The following LHFPL3 variants were observed in gnomAD, a reference collection of about 807,000 sequenced individuals.
The protein encoded by LHFPL3 is LHFPL tetraspan subfamily member 3, also known as LHFPL tetraspan subfamily member 3 protein.
LHFPL3 carries 5 observed loss-of-function variants against 19.3 expected under a neutral mutation model. The observed-to-expected ratio is 0.26, with a 90% CI of 0.14 to 0.54. The LOEUF (loss-of-function observed/expected upper bound fraction) is 0.54. Among genes scored for constraint, LHFPL3 ranks in the 20% least tolerant of loss-of-function variants. The pLI is 0.94. For synonymous variants in LHFPL3, 133 were observed against 126.2 expected, an observed-to-expected ratio of 1.05 and a Z score of -0.36; for missense variants, 249 against 307.4, an observed-to-expected ratio of 0.81 and a Z score of 1.42.
chr7:104,534,410 C>T (rs1484569100), intron 1 of LHFPL3, among the ~76,000 whole-genome samples: 1 of 152,248 alleles, frequency 6.6e-6, no homozygotes, highest in Non-Finnish European at 1.5e-5. Flanking sequence ...CTTCTACCCA[C>T]ACTTCCATCT....
rs150789358 is a variant in LHFPL3, at chr7:104,468,635, A to T, written c.445+139411A>T. 2.0e-3 allele frequency among the ~76,000 whole-genome samples: 304 copies of T among 151,530 alleles called. 2 individuals are homozygous for T. The highest frequency in any genetic ancestry group is 2.9e-3 in the Non-Finnish European group (200 of 67,952). ...TCCATGGAGAATGACAAATTTCCCAAAGTAGAAAGGTCTTGTATAAACCTT... is the reference window on the plus strand; with the variant it reads ...TCCATGGAGAATGACAAATTTCCCATAGTAGAAAGGTCTTGTATAAACCTT... On this transcript the variant is annotated intron_variant, in intron 1 of 2. Transcript: ENST00000424859.
At chr7:104,654,966 A>T (rs1792096696) in intron 1 of LHFPL3, among the ~76,000 whole-genome samples, 1 of 152,004 alleles carries the variant, frequency 6.6e-6, no homozygotes, top group Non-Finnish European at 1.5e-5. Context: ...ACTTCTGATC[A>T]TTCACACCTG....
At chr7:104,663,874 C>G (rs1191477061) in intron 1 of LHFPL3, among the ~76,000 whole-genome samples, 3 of 152,136 alleles carry the variant, frequency 2.0e-5, no homozygotes, top group Non-Finnish European at 4.4e-5. Context: ...TCACTTACAC[C>G]ATGTTTGTTT....
At position 104,399,451 on chromosome 7, in the gene LHFPL3, G is replaced by GT. The variant is rs966127872; in HGVS notation, c.445+70235dup. Among the ~76,000 whole-genome samples, 21 of 150,956 alleles carry GT rather than the reference G, an allele frequency of 1.4e-4. No homozygotes were observed. The highest frequency in any genetic ancestry group is 3.9e-4 in the East Asian group (2 of 5,126). The stretch of plus-strand genomic sequence containing the variant: ...TCTTCTGTTTTTTTTTGTTTTTTAG[G>GT]TTTTTTTTGTTTGTTTGTTTGAGAT... On this transcript the variant is annotated intron_variant, in intron 1 of 2. Transcript: ENST00000424859. The surrounding 1 kb of genome is among the most constrained non-coding windows in gnomAD (Gnocchi z 4.4).
chr7:104,458,747 G>A (rs1253230053), intron 1 of LHFPL3, among the ~76,000 whole-genome samples: 2 of 150,632 alleles, frequency 1.3e-5, no homozygotes, highest in Non-Finnish European at 3.0e-5. Flanking sequence ...AAACCTTTAT[G>A]TGGTGTTATT....
At chr7:104,420,629 G>A (rs1329170718) in intron 1 of LHFPL3, among the ~76,000 whole-genome samples, 1 of 135,840 alleles carries the variant, frequency 7.4e-6, no homozygotes, top group Non-Finnish European at 1.5e-5. Context: ...GCGCGATCTC[G>A]GCTCACTGCA....
intron 1 of LHFPL3, among the ~76,000 whole-genome samples, chr7:104,583,599 C>G (rs1790505721): frequency 6.6e-6 from 1 of 152,042 alleles, no homozygotes; most frequent in South Asian, 2.1e-4. Context: ...ACGAAGAACC[C>G]AAACAAATTT....
At chr7:104,436,149 A>G (rs1027260920) in intron 1 of LHFPL3, among the ~76,000 whole-genome samples, 2 of 152,164 alleles carry the variant, frequency 1.3e-5, no homozygotes, top group Non-Finnish European at 2.9e-5. Context: ...TGAAAGGATA[A>G]TATTTTGGAG....
At position 104,593,777 on chromosome 7, in the gene LHFPL3, C is replaced by G. The variant is rs140762062; in HGVS notation, c.446-142898C>G. Among the ~76,000 whole-genome samples, 445 of 152,160 alleles carry G rather than the reference C, an allele frequency of 2.9e-3. 1 individual carries two copies. The highest frequency in any genetic ancestry group is 0.01 in the African/African-American group (429 of 41,514). On this transcript the variant is annotated intron_variant, in intron 1 of 2. Coordinates refer to ENST00000424859, the MANE Select transcript of LHFPL3 (RefSeq NM_199000.3). ...GTTAGCTCTTCTTGTTGAATTGATCCCTTTACTATTATGTAATGGCCTTCT... is the reference window on the plus strand; with the variant it reads ...GTTAGCTCTTCTTGTTGAATTGATCGCTTTACTATTATGTAATGGCCTTCT...
chr7:104,900,110 C>A (rs1441922912), intron 2 of LHFPL3, among the ~76,000 whole-genome samples: 1 of 152,180 alleles, frequency 6.6e-6, no homozygotes, highest in Non-Finnish European at 1.5e-5. Flanking sequence ...GACCTGTCTT[C>A]TGGGCTTCAA....
chr7:104,569,438 G>A (rs916738751), intron 1 of LHFPL3, among the ~76,000 whole-genome samples: 2 of 152,228 alleles, frequency 1.3e-5, no homozygotes, highest in Non-Finnish European at 1.5e-5. Context: ...ACTGCACACC[G>A]TTGTATACAC....
intron 1 of LHFPL3, among the ~76,000 whole-genome samples, chr7:104,449,595 A>G (rs900061879): frequency 6.6e-6 from 1 of 152,216 alleles, no homozygotes; most frequent in African/African-American, 2.4e-5. Flanking sequence ...TTATCCTTAC[A>G]TATGAATTAA....
intron 1 of LHFPL3, among the ~76,000 whole-genome samples, chr7:104,448,189 T>C (rs17137711): frequency 0.54 from 82,324 of 152,052 alleles, 23,507 homozygotes; most frequent in Non-Finnish European, 0.63. Flanking sequence ...ATTCAACTGG[T>C]AAACATTTTT....
At position 104,538,563 on chromosome 7, in the gene LHFPL3, T is replaced by C. The variant is rs577894073; in HGVS notation, c.446-198112T>C. Among the ~76,000 whole-genome samples the C allele has an allele frequency of 6.3e-4, 96 of 152,330 alleles. 1 individual carries two copies. The South Asian group carries it at 6.6e-3, about 11-fold the overall frequency. The stretch of plus-strand genomic sequence containing the variant: ...GCCATCCACTACACAGGGCAGATGT[T>C]TGCCATTGTTTTCTTTATCACAACA... On this transcript the variant is annotated intron_variant, in intron 1 of 2. Transcript: ENST00000424859.
intron 1 of LHFPL3, among the ~76,000 whole-genome samples, chr7:104,525,143 CA>C (rs1054366427): frequency 1.3e-5 from 2 of 152,170 alleles, no homozygotes; most frequent in African/African-American, 4.8e-5. Context: ...GTGTATCACA[CA>C]TCTTAAATCT....
intron 1 of LHFPL3, among the ~76,000 whole-genome samples, chr7:104,437,602 C>T (rs2116574004): frequency 6.6e-6 from 1 of 152,286 alleles, no homozygotes; most frequent in Middle Eastern, 3.4e-3. Flanking sequence ...TCAAAAGTTC[C>T]TACAAACCCC....
chr7:104,633,700 C>T (rs1035390766), intron 1 of LHFPL3, among the ~76,000 whole-genome samples: 6 of 152,144 alleles, frequency 3.9e-5, no homozygotes, highest in Non-Finnish European at 5.9e-5. Context: ...TGCTATGTCA[C>T]GTAATTACAT....
intron 1 of LHFPL3, among the ~76,000 whole-genome samples, chr7:104,377,807 G>A (rs1300309931): frequency 1.3e-5 from 2 of 152,144 alleles, no homozygotes; most frequent in Non-Finnish European, 2.9e-5. Flanking sequence ...AATGAATAAT[G>A]CATCCTAAAT....
In LHFPL3 at chr7:104,716,725, AT is replaced by A. The variant is rs1793395133; in HGVS notation, c.446-19949del. Among the ~76,000 whole-genome samples the A allele has an allele frequency of 6.6e-5, 10 of 152,320 alleles. No individual in the cohort carries two copies. In the South Asian group the frequency reaches 2.1e-3, roughly 32 times the overall value. On this transcript the variant is annotated intron_variant, in intron 1 of 2. Transcript: ENST00000424859. ...TCATGTTTATGGATTGGAAGATTTA[AT>A]ACTGTAAAAATGTCCATACTACCTA... is the stretch of plus-strand genomic sequence containing the variant.
Sources: allele counts gnomAD v4.1 joint callset (sites outside exome capture counted in the v4.1 genomes callset), GRCh38; gene constraint gnomAD v4.1.1; non-coding constraint Gnocchi (gnomAD v3.1); transcripts MANE v1.5; gene names NCBI Gene and HGNC (gene_info 2026-07-23, HGNC 2026-07-21).